DISP2: variants seen among roughly 807,000 people sequenced by gnomAD.
The protein encoded by DISP2 is protein dispatched homolog 2.
A neutral mutation model predicts 95.5 loss-of-function variants in DISP2; 59 were observed. That is an observed-to-expected ratio of 0.62 (90% confidence interval 0.50 to 0.77). The LOEUF is 0.77. Among genes scored for constraint, DISP2 ranks in the 30% least tolerant of loss-of-function variants. DISP2 has a pLI of 0.00. For missense variants in DISP2, 1,752 were observed against 1,854.6 expected, an observed-to-expected ratio of 0.94 and a Z score of 1.02; for synonymous variants, 827 against 815.0, an observed-to-expected ratio of 1.01 and a Z score of -0.25.
In DISP2 at chr15:40,367,556, A is replaced by C. The variant is rs150246885; in HGVS notation, c.1444A>C (p.Arg482=). The C allele has an allele frequency of 5.2e-4, 844 of 1,613,688 alleles. 2 individuals are homozygous for C. The African/African-American group carries it at 0.01, about 20-fold the overall frequency. ...CCTGGGCCTCAAGCAGGAGCTGCTGAGGCACTTCCTGGTCCAGGACACGGT... is the reference window on the plus strand; with the variant it reads ...CCTGGGCCTCAAGCAGGAGCTGCTGCGGCACTTCCTGGTCCAGGACACGGT... ...MDLGLKQELL[R]HFLVQDTVYP... is the part of the protein sequence containing the mutation. Residue 482 remains arginine (R), a synonymous_variant, in exon 8 of 8, where the codon AGG becomes CGG. Transcript: ENST00000267889.
At position 40,367,183 on chromosome 15, in the gene DISP2, C is replaced by G; in HGVS notation, c.1071C>G (p.Thr357=). 1 of 1,613,992 alleles carries G rather than the reference C, an allele frequency of 6.2e-7. No individual in the cohort carries two copies. The highest frequency in any genetic ancestry group is 2.2e-5 in the East Asian group (1 of 44,838). The change falls in exon 8 of 8, where the codon ACC becomes ACG. Residue 357 remains threonine (T), a synonymous_variant. Transcript: ENST00000267889. ...LSNRSSCLDT[T]QADAARTLAL... ...ACCGCTCCTCCTGCCTGGACACTAC[C>G]CAAGCTGACGCAGCCCGCACACTGG...
Position 40,370,879 on chromosome 15 carries a change from T to G in DISP2, c.*561T>G, listed in dbSNP as rs540403927. Reference sequence around the variant, plus strand: ...CCCAACTGCCCTGCTCTCCTCATACTCACCGGTTTGACCAGAAATTCTCCA... The same window carrying G: ...CCCAACTGCCCTGCTCTCCTCATACGCACCGGTTTGACCAGAAATTCTCCA... On this transcript the variant is annotated 3_prime_UTR_variant, in exon 8 of 8. Transcript: ENST00000267889. 1.8e-5 allele frequency: 5 copies of G among 280,054 alleles called. No homozygotes were observed. Among genetic ancestry groups the G allele is most frequent in the Admixed American group, 1.6e-4 (4 of 24,778 alleles). The allele number at this position is 280,054 out of a possible 1,614,324, so 17.3% of individuals were successfully genotyped here.
Position 40,370,982 on chromosome 15 carries a change from G to T in DISP2, c.*664G>T. 4.7e-6 allele frequency: 1 copy of T among 212,292 alleles called. No individual in the cohort carries two copies. The highest frequency in any genetic ancestry group is 7.8e-5 in the South Asian group (1 of 12,882). 13.2% of individuals were successfully genotyped at this position (212,292 alleles called of 1,614,324 possible). A position where few individuals can be genotyped will look rare whatever the true frequency, so the allele number is the denominator to read the frequency against. On this transcript the variant is annotated 3_prime_UTR_variant, in exon 8 of 8. Transcript: ENST00000267889. Reference sequence around the variant, plus strand: ...GCCTTGGAGCATCTCTCAATTACGGGACAGTCCCTCTTTGGAAGCAGGCTC... The same window carrying T: ...GCCTTGGAGCATCTCTCAATTACGGTACAGTCCCTCTTTGGAAGCAGGCTC...
Position 40,364,562 on chromosome 15 carries a change from G to A in DISP2, c.603+18G>A. The A allele has an allele frequency of 6.2e-7, 1 of 1,611,554 alleles. No homozygotes were observed. The highest frequency in any genetic ancestry group is 8.5e-7 in the Non-Finnish European group (1 of 1,179,144). On this transcript the variant is annotated intron_variant, in intron 4 of 7. Coordinates refer to ENST00000267889, the MANE Select transcript of DISP2 (RefSeq NM_033510.3). ...CTTTGCTGGTGAGGAACCAAGGGGT[G>A]GGACGGGGTCCCCAGGCCTGGCCAC...
rs1036114213 is a variant in DISP2, at chr15:40,369,025, T to A, written c.2913T>A (p.Ala971=). Reference sequence around the variant, plus strand: ...AGCCTGCTGTGGTGCTGGGCCTGGCTTTGGCGCTGGCCTTTGCCACACTGC... The same window carrying A: ...AGCCTGCTGTGGTGCTGGGCCTGGCATTGGCGCTGGCCTTTGCCACACTGC... The part of the protein sequence containing the change: ...STEPAVVLGL[A]LALAFATLLL... Residue 971 remains alanine (A), a synonymous_variant, in exon 8 of 8, where the codon GCT becomes GCA. Transcript: ENST00000267889. 1 of 1,614,026 alleles carries A rather than the reference T, an allele frequency of 6.2e-7. No individual in the cohort carries two copies. Among genetic ancestry groups the A allele is most frequent in the Non-Finnish European group, 8.5e-7 (1 of 1,180,028 alleles).
Position 40,369,304 on chromosome 15 carries a change from C to A in DISP2, c.3192C>A (p.Ala1064=), listed in dbSNP as rs772593812. The A allele has an allele frequency of 3.1e-6, 5 of 1,613,502 alleles. No homozygotes were observed. The East Asian group carries it at 6.7e-5, about 22-fold the overall frequency. ...FSLRQTSCAT[A]VGAAALFAAG... ...TGCGCCAGACCAGCTGCGCCACAGC[C>A]GTGGGGGCTGCAGCCCTGTTTGCGG... Residue 1064 remains alanine, a synonymous_variant, in exon 8 of 8, where the codon GCC becomes GCA. Transcript: ENST00000267889.
At position 40,366,939 on chromosome 15, in the gene DISP2, G is replaced by C. The variant is rs1355920237; in HGVS notation, c.946-119G>C. Reference sequence around the variant, plus strand: ...CAAGCCTATCTCACCAGGCTGTCAAGATCCCTCTCTGCGCTTGCCCTGTAG... The same window carrying C: ...CAAGCCTATCTCACCAGGCTGTCAACATCCCTCTCTGCGCTTGCCCTGTAG... On this transcript the variant is annotated intron_variant, in intron 7 of 7. Transcript: ENST00000267889. 4 of 1,341,846 alleles carry C rather than the reference G, an allele frequency of 3.0e-6. No homozygotes were observed. The Admixed American group carries it at 7.0e-5, about 24-fold the overall frequency. 83.1% of individuals were successfully genotyped at this position (1,341,846 alleles called of 1,614,324 possible). A position where few individuals can be genotyped will look rare whatever the true frequency, so the allele number is the denominator to read the frequency against.
chr15:40,370,535 G>A lies in DISP2; in HGVS notation c.*217G>A. 2.2e-6 allele frequency: 2 copies of A among 895,566 alleles called. No individual in the cohort carries two copies. Among genetic ancestry groups the A allele is most frequent in the South Asian group, 1.4e-5 (1 of 70,432 alleles). The allele number at this position is 895,566 out of a possible 1,614,324, so 55.5% of individuals were successfully genotyped here. A position where few individuals can be genotyped will look rare whatever the true frequency, so the allele number is the denominator to read the frequency against. ...ATTCCAGCAGGAGGGGTTTTGGAGG[G>A]GACCTGCTTGCGACCTGCTGAGGGC... On this transcript the variant is annotated 3_prime_UTR_variant, in exon 8 of 8. Coordinates refer to ENST00000267889, the MANE Select transcript of DISP2 (RefSeq NM_033510.3).
chr15:40,361,854 C>T (rs1421911077), intron 1 of DISP2, among the ~76,000 whole-genome samples: 1 of 152,192 alleles, frequency 6.6e-6, no homozygotes, highest in African/African-American at 2.4e-5. Flanking sequence ...TTGGGAGCTA[C>T]ACAAACTCTG....
At chr15:40,364,392 A>G (rs1483239248) in intron 3 of DISP2, 29 bp from the exon 4 acceptor site, 1 of 1,613,168 alleles carries the variant, frequency 6.2e-7, no homozygotes, top group East Asian at 2.2e-5. Flanking sequence ...ACCACACCCA[A>G]CTCATGTGGA....
chr15:40,367,215 T>G lies in DISP2; in HGVS notation c.1103T>G (p.Leu368Arg). The change falls in exon 8 of 8, where the codon CTT (leucine) becomes CGT (arginine). Residue 368 changes from leucine to arginine, a missense_variant. This residue lies in a region of DISP2 where 732 missense variants were observed against 714.6 expected (regional missense o/e 1.02). Coordinates refer to ENST00000267889, the MANE Select transcript of DISP2 (RefSeq NM_033510.3). ...QADAARTLAL[L>R]RTCALYYHSG... ...GACGCAGCCCGCACACTGGCCCTGCTTCGGACCTGTGCCCTCTACTACCAC... is the reference window on the plus strand; with the variant it reads ...GACGCAGCCCGCACACTGGCCCTGCGTCGGACCTGTGCCCTCTACTACCAC... 6.2e-7 allele frequency: 1 copy of G among 1,614,032 alleles called. No individual in the cohort carries two copies. The highest frequency in any genetic ancestry group is 8.5e-7 in the Non-Finnish European group (1 of 1,180,012).
At chr15:40,361,725 C>T (rs974299288) in intron 1 of DISP2, among the ~76,000 whole-genome samples, 8 of 152,250 alleles carry the variant, frequency 5.3e-5, no homozygotes. Flanking sequence ...GGGCTGAACT[C>T]AGCCTCTGTG....
In DISP2 at chr15:40,370,015, C is replaced by A. The variant is rs1889610123; in HGVS notation, c.3903C>A (p.Ser1301Arg). The change falls in exon 8 of 8, where the codon AGC becomes AGA. Residue 1301 changes from serine to arginine, a missense_variant. By Grantham distance (110) the Ser-to-Arg change is moderately radical. Coordinates refer to ENST00000267889, the MANE Select transcript of DISP2 (RefSeq NM_033510.3). ...GLSVSDETCL[S>R]TSEPSARVPD... ...GCGTCTCTGATGAGACCTGCCTAAG[C>A]ACCTCTGAGCCCAGTGCCCGTGTAC... 17 of 1,614,094 alleles carry A rather than the reference C, an allele frequency of 1.1e-5. No individual in the cohort carries two copies. The highest frequency in any genetic ancestry group is 1.4e-5 in the Non-Finnish European group (16 of 1,180,028).
In DISP2 at chr15:40,367,158, A is replaced by G; in HGVS notation, c.1046A>G (p.Asn349Ser). 1 of 1,613,770 alleles carries G rather than the reference A, an allele frequency of 6.2e-7. No homozygotes were observed. The highest frequency in any genetic ancestry group is 1.3e-5 in the African/African-American group (1 of 74,888). The stretch of plus-strand genomic sequence containing the variant: ...GGCAACTATCTGGCTGTGCTCTCCA[A>G]CCGCTCCTCCTGCCTGGACACTACC... ...SLGNYLAVLS[N>S]RSSCLDTTQA... is the part of the protein sequence containing the mutation. Residue 349 changes from asparagine to serine, a missense_variant, in exon 8 of 8, where the codon AAC (asparagine) becomes AGC (serine). Coordinates refer to ENST00000267889, the MANE Select transcript of DISP2 (RefSeq NM_033510.3).
At position 40,370,648 on chromosome 15, in the gene DISP2, C is replaced by G. The variant is rs1171481744; in HGVS notation, c.*330C>G. ...AGCTTCGGGTATCAGAGGAGGCTGA[C>G]CTGGCCCCCATCCCAAGTTACAAGA... On this transcript the variant is annotated 3_prime_UTR_variant, in exon 8 of 8. Coordinates refer to ENST00000267889, the MANE Select transcript of DISP2 (RefSeq NM_033510.3). 3.7e-6 allele frequency: 2 copies of G among 541,996 alleles called. No individual in the cohort carries two copies. The highest frequency in any genetic ancestry group is 1.5e-5 in the South Asian group (1 of 65,326). The allele number at this position is 541,996 out of a possible 1,614,324, so 33.6% of individuals were successfully genotyped here. A position where few individuals can be genotyped will look rare whatever the true frequency, so the allele number is the denominator to read the frequency against.
rs1889511969 is a variant in DISP2, at chr15:40,367,234, C to A, written c.1122C>A (p.Tyr374Ter). The A allele has an allele frequency of 6.2e-7, 1 of 1,613,942 alleles. No individual in the cohort carries two copies. The highest frequency in any genetic ancestry group is 8.5e-7 in the Non-Finnish European group (1 of 1,180,028). Residue 374 changes from tyrosine to a stop codon, truncating the protein, a stop_gained, in exon 8 of 8, where the codon TAC becomes TAA. Transcript: ENST00000267889. LOFTEE classifies it high-confidence loss of function. ...TLALLRTCALYYHSGALVPSC... is the reference protein window; with the variant it reads ...TLALLRTCAL ...CCCTGCTTCGGACCTGTGCCCTCTA[C>A]TACCACAGTGGCGCCTTGGTGCCCT...
At position 40,369,735 on chromosome 15, in the gene DISP2, C is replaced by T; in HGVS notation, c.3623C>T (p.Pro1208Leu). 1 of 1,609,950 alleles carries T rather than the reference C, an allele frequency of 6.2e-7. No homozygotes were observed. Among genetic ancestry groups the T allele is most frequent in the Non-Finnish European group, 8.5e-7 (1 of 1,179,480 alleles). The change falls in exon 8 of 8, where the codon CCA (proline) becomes CTA (leucine). Residue 1208 changes from proline (P) to leucine (L), a missense_variant. Transcript: ENST00000267889. ...LHDGPCCSRP[P>L]PAPASPRELL... ...GATGGTCCGTGCTGTTCCCGGCCCCCACCAGCCCCTGCCTCCCCAAGGGAG... is the reference window on the plus strand; with the variant it reads ...GATGGTCCGTGCTGTTCCCGGCCCCTACCAGCCCCTGCCTCCCCAAGGGAG...
chr15:40,367,870 G>T lies in DISP2; in HGVS notation c.1758G>T (p.Met586Ile), dbSNP rs771651961. 6.3e-7 allele frequency: 1 copy of T among 1,599,782 alleles called. No homozygotes were observed. ...TGGCGCAGCGCGTGGGCCGCACCAT[G>T]CACCACTTCGGCTACCTGCTGCTGG... is the stretch of plus-strand genomic sequence containing the variant. ...GGLAQRVGRT[M>I]HHFGYLLLVS... is the part of the protein sequence containing the mutation. The change falls in exon 8 of 8, where the codon ATG becomes ATT. Residue 586 changes from methionine (M) to isoleucine (I), a missense_variant. Coordinates refer to ENST00000267889, the MANE Select transcript of DISP2 (RefSeq NM_033510.3).
rs2141263810 is a variant in DISP2, at chr15:40,369,642, A to G, written c.3530A>G (p.Asp1177Gly). 1.2e-6 allele frequency: 2 copies of G among 1,611,932 alleles called. No individual in the cohort carries two copies. The highest frequency in any genetic ancestry group is 4.5e-5 in the East Asian group (2 of 44,878). The change falls in exon 8 of 8, where the codon GAC becomes GGC. Residue 1177 changes from aspartate (D) to glycine (G), a missense_variant. By Grantham distance (94) the Asp-to-Gly change is moderately conservative. This residue lies in a region of DISP2 where 347 missense variants were observed against 344.2 expected (regional missense o/e 1.01). Coordinates refer to ENST00000267889, the MANE Select transcript of DISP2 (RefSeq NM_033510.3). ...PLARRRSPSFDTSTATSKLSH... is the reference protein window; with the variant it reads ...PLARRRSPSFGTSTATSKLSH... ...GCACGGCGTCGGAGCCCCAGCTTTG[A>G]CACCAGCACAGCCACCAGCAAGCTG...
Sources: allele counts gnomAD v4.1 joint callset (sites outside exome capture counted in the v4.1 genomes callset), GRCh38; gene constraint gnomAD v4.1.1; regional missense constraint gnomAD v4.1.1; transcripts MANE v1.5; gene names NCBI Gene and HGNC (gene_info 2026-07-23, HGNC 2026-07-21).